B3GALT1: variants seen among roughly 807,000 people sequenced by gnomAD.
B3GALT1 encodes the protein beta-1,3-galactosyltransferase 1.
A neutral mutation model predicts 23.2 loss-of-function variants in B3GALT1; 10 were observed. The ratio of observed to expected loss-of-function variants is 0.43; its 90% CI spans 0.27 to 0.73. The LOEUF is 0.73. B3GALT1 is among the 30% of genes least tolerant of loss of function. The pLI, the probability that B3GALT1 is intolerant of heterozygous loss-of-function variation, is 0.21. For synonymous variants in B3GALT1, 156 were observed against 141.5 expected, an observed-to-expected ratio of 1.10 and a Z score of -0.73; for missense variants, 299 against 405.4, an observed-to-expected ratio of 0.74 and a Z score of 2.25.
At chr2:167,702,806 C>G (rs573156870) in intron 3 of B3GALT1, among the ~76,000 whole-genome samples, 15 of 152,258 alleles carry the variant, frequency 9.9e-5, no homozygotes, top group Non-Finnish European at 2.1e-4. Context: ...CCCCTTGTCC[C>G]CAGTCTTGTG....
chr2:167,485,735 C>T (rs944245975), intron 1 of B3GALT1, among the ~76,000 whole-genome samples: 7 of 152,194 alleles, frequency 4.6e-5, no homozygotes, highest in South Asian at 4.1e-4. Context: ...AAAGATAAGC[C>T]GTAAATTTGA....
intron 1 of B3GALT1, among the ~76,000 whole-genome samples, chr2:167,436,281 C>T (rs1698785739): frequency 6.6e-6 from 1 of 152,128 alleles, no homozygotes; most frequent in African/African-American, 2.4e-5. Flanking sequence ...TCACGGTGTA[C>T]TCCCTGTTCT....
chr2:167,377,145 T>C (rs1430059666), intron 1 of B3GALT1, among the ~76,000 whole-genome samples: 1 of 152,182 alleles, frequency 6.6e-6, no homozygotes, highest in African/African-American at 2.4e-5. Context: ...ATTTTGTGGT[T>C]TTGAGATATC....
chr2:167,329,928 T>G (rs1696947929), intron 1 of B3GALT1, among the ~76,000 whole-genome samples: 1 of 152,174 alleles, frequency 6.6e-6, no homozygotes, highest in South Asian at 2.1e-4. Context: ...TAGATGATAC[T>G]TTTGTCTTTC....
intron 2 of B3GALT1, among the ~76,000 whole-genome samples, chr2:167,501,376 G>C (rs1202625200): frequency 6.6e-6 from 1 of 151,522 alleles, no homozygotes; most frequent in Admixed American, 6.6e-5. Context: ...AAATAATTTG[G>C]TAATGTTTTA....
intron 1 of B3GALT1, among the ~76,000 whole-genome samples, chr2:167,357,258 T>C (rs560291540): frequency 6.6e-6 from 1 of 152,216 alleles, no homozygotes; most frequent in East Asian, 1.9e-4. Flanking sequence ...ACATTTCTCT[T>C]ATAGTAAAAA....
At chr2:167,570,515 T>C (rs1684273053) in intron 2 of B3GALT1, among the ~76,000 whole-genome samples, 1 of 151,986 alleles carries the variant, frequency 6.6e-6, no homozygotes, top group South Asian at 2.1e-4. Flanking sequence ...CATTATTTGC[T>C]TCTAAGCGAT....
intron 3 of B3GALT1, among the ~76,000 whole-genome samples, chr2:167,660,339 T>C (rs903647781): frequency 1.3e-5 from 2 of 152,074 alleles, no homozygotes; most frequent in African/African-American, 4.8e-5. Flanking sequence ...GTGGTGTCTA[T>C]TTAGCCTGTG....
intron 2 of B3GALT1, among the ~76,000 whole-genome samples, chr2:167,559,422 A>G (rs577796224): frequency 4.6e-5 from 7 of 152,352 alleles, no homozygotes; most frequent in South Asian, 4.1e-4. Context: ...AAGGAACGCA[A>G]TTCCTCACCA....
At chr2:167,685,551 C>T (rs1686604748) in intron 3 of B3GALT1, among the ~76,000 whole-genome samples, 1 of 152,098 alleles carries the variant, frequency 6.6e-6, no homozygotes, top group Non-Finnish European at 1.5e-5. Flanking sequence ...AAGAGAATCC[C>T]AAGCAGATGC....
chr2:167,845,904 AAAAC>A (rs1436750527), intron 4 of B3GALT1, among the ~76,000 whole-genome samples: 1 of 152,170 alleles, frequency 6.6e-6, no homozygotes, highest in Non-Finnish European at 1.5e-5. Flanking sequence ...CTTAAACAAA[AAAAC>A]AAAAAACAAA....
intron 2 of B3GALT1, among the ~76,000 whole-genome samples, chr2:167,556,547 T>C (rs1337804357): frequency 6.6e-6 from 1 of 152,182 alleles, no homozygotes; most frequent in African/African-American, 2.4e-5. Context: ...TTAAAACTTG[T>C]CTTTTTAATT....
chr2:167,473,520 G>T (rs906775163), intron 1 of B3GALT1, among the ~76,000 whole-genome samples: 1 of 152,098 alleles, frequency 6.6e-6, no homozygotes, highest in Non-Finnish European at 1.5e-5. Flanking sequence ...TTCCTGAAGT[G>T]CCTGAGTTTT....
chr2:167,383,104 CAT>C (rs1697867169), intron 1 of B3GALT1, among the ~76,000 whole-genome samples: 1 of 151,988 alleles, frequency 6.6e-6, no homozygotes, highest in African/African-American at 2.4e-5. Flanking sequence ...GAAAATTTCT[CAT>C]ATATCCCATA....
chr2:167,554,961 G>A (rs1200855567), intron 2 of B3GALT1, among the ~76,000 whole-genome samples: 4 of 152,102 alleles, frequency 2.6e-5, no homozygotes, highest in Admixed American at 1.3e-4. Context: ...TGAAATATAA[G>A]GTAAGAAGGA....
chr2:167,320,881 G>A (rs1213383171), intron 1 of B3GALT1, among the ~76,000 whole-genome samples: 2 of 151,700 alleles, frequency 1.3e-5, no homozygotes, highest in Non-Finnish European at 2.9e-5. Context: ...AAATTTCTAA[G>A]TTTAAACCTA....
chr2:167,801,523 G>A (rs1173728242), intron 3 of B3GALT1, among the ~76,000 whole-genome samples: 1 of 152,144 alleles, frequency 6.6e-6, no homozygotes, highest in African/African-American at 2.4e-5. Flanking sequence ...TATTGTCAAA[G>A]CCCCAGGCCC....
chr2:167,384,733 C>T (rs1697901139), intron 1 of B3GALT1, among the ~76,000 whole-genome samples: 1 of 152,082 alleles, frequency 6.6e-6, no homozygotes, highest in Admixed American at 6.6e-5. Flanking sequence ...CTCAGTATTC[C>T]TCTTAGCATC....
chr2:167,841,279 C>T (rs1268200087), intron 4 of B3GALT1, among the ~76,000 whole-genome samples: 1 of 151,626 alleles, frequency 6.6e-6, no homozygotes, highest in Non-Finnish European at 1.5e-5. Flanking sequence ...CATCTCCTGC[C>T]CCAGGGTGTT....
Sources: gnomAD v4.1 joint callset for allele counts (sites outside exome capture counted in the v4.1 genomes callset) on GRCh38, gnomAD v4.1.1 for gene constraint, MANE v1.5 for transcripts, NCBI Gene and HGNC (gene_info 2026-07-23, HGNC 2026-07-21) for gene names.